The following RASAL2 variants were observed in gnomAD, a reference collection of about 807,000 sequenced individuals.
The protein encoded by RASAL2 is ras GTPase-activating protein nGAP.
A neutral mutation model predicts 128.9 loss-of-function variants in RASAL2; 58 were observed. That is an observed-to-expected ratio of 0.45 (90% CI 0.36 to 0.56). The LOEUF is 0.56. Among genes scored for constraint, RASAL2 ranks in the 20% least tolerant of loss-of-function variants. The pLI is 0.00. For missense variants in RASAL2, 1,360 were observed against 1,601.6 expected, an observed-to-expected ratio of 0.85 and a Z score of 2.57; for synonymous variants, 561 against 580.8, an observed-to-expected ratio of 0.97 and a Z score of 0.49.
chr1:178,259,433 A>G (rs1167065459), intron 1 of RASAL2, among the ~76,000 whole-genome samples: 3 of 152,186 alleles, frequency 2.0e-5, no homozygotes, highest in Admixed American at 2.0e-4. Flanking sequence ...ATGTTCTAAA[A>G]TCGTCTATGT....
At position 178,443,064 on chromosome 1, in the gene RASAL2, A is replaced by G. The variant is rs375332647; in HGVS notation, c.1317A>G (p.Gln439=). Residue 439 remains glutamine, a synonymous_variant, in exon 8 of 18, where the codon CAA becomes CAG. Transcript: ENST00000367649. ...CTATTCGGATTAAATCACGTTTCCAAACTATCACCATTCTGCCTATGGAGC... is the reference window on the plus strand; with the variant it reads ...CTATTCGGATTAAATCACGTTTCCAGACTATCACCATTCTGCCTATGGAGC... ...GPSIRIKSRF[Q]TITILPMEQY... 1.9e-4 allele frequency: 308 copies of G among 1,614,034 alleles called. 3 individuals are homozygous for G. In the South Asian group the frequency reaches 3.1e-3, roughly 16 times the overall value.
At chr1:178,234,760 A>G (rs573589961) in intron 1 of RASAL2, among the ~76,000 whole-genome samples, 2 of 152,140 alleles carry the variant, frequency 1.3e-5, no homozygotes, top group African/African-American at 2.4e-5. Context: ...TCAGCCTCTC[A>G]TTATTAGGAG....
chr1:178,362,814 C>G (rs1671192579), intron 3 of RASAL2, among the ~76,000 whole-genome samples: 1 of 151,784 alleles, frequency 6.6e-6, no homozygotes. Flanking sequence ...CCTCTAAGTT[C>G]ATTAATGTTT....
At chr1:178,141,598 G>C (rs1361186119) in intron 1 of RASAL2, among the ~76,000 whole-genome samples, 2 of 151,962 alleles carry the variant, frequency 1.3e-5, no homozygotes, top group Non-Finnish European at 2.9e-5. Flanking sequence ...GTTGGCCGTC[G>C]ACTGCTCCAA....
At chr1:178,250,009 G>T (rs1664964290) in intron 1 of RASAL2, among the ~76,000 whole-genome samples, 2 of 152,128 alleles carry the variant, frequency 1.3e-5, no homozygotes. Context: ...CTGTTGTGAG[G>T]TCTCTCCCAC....
At chr1:178,110,347 A>C (rs1659251459) in intron 1 of RASAL2, among the ~76,000 whole-genome samples, 1 of 151,938 alleles carries the variant, frequency 6.6e-6, no homozygotes, top group Non-Finnish European at 1.5e-5. Flanking sequence ...TCAGATGCTG[A>C]AGTTCCATAT....
At chr1:178,413,054 CGTCT>C (rs1490090205) in intron 4 of RASAL2, among the ~76,000 whole-genome samples, 15 of 149,644 alleles carry the variant, frequency 1.0e-4, no homozygotes, top group South Asian at 4.2e-4. Flanking sequence ...TCTGTCCATC[CGTCT>C]GTCTGTCTTT....
At chr1:178,373,388 C>T (rs533912024) in intron 3 of RASAL2, among the ~76,000 whole-genome samples, 9 of 149,190 alleles carry the variant, frequency 6.0e-5, no homozygotes, top group African/African-American at 1.5e-4. Flanking sequence ...TATTTATCTT[C>T]GGCATTTGGA....
At chr1:178,260,186 A>G (rs1045070064) in intron 1 of RASAL2, among the ~76,000 whole-genome samples, 13 of 149,416 alleles carry the variant, frequency 8.7e-5, no homozygotes, top group African/African-American at 3.2e-4. Flanking sequence ...CTCCGTCTCT[A>G]CTAAAAATAC....
intron 4 of RASAL2, among the ~76,000 whole-genome samples, chr1:178,413,603 A>G (rs188630779): frequency 1.3e-5 from 2 of 152,350 alleles, no homozygotes; most frequent in Admixed American, 6.5e-5. Flanking sequence ...AAATAATTAC[A>G]GAACATACTA....
intron 1 of RASAL2, among the ~76,000 whole-genome samples, chr1:178,116,648 C>T (rs555076904): frequency 2.6e-5 from 4 of 151,814 alleles, no homozygotes; most frequent in Non-Finnish European, 5.9e-5. Context: ...CTTGCTCTGT[C>T]GCCCAGGCTT....
chr1:178,365,190 G>T (rs983282657), intron 3 of RASAL2, among the ~76,000 whole-genome samples: 14 of 151,858 alleles, frequency 9.2e-5, no homozygotes, highest in African/African-American at 3.4e-4. Context: ...TTGTGGCTTT[G>T]CATGTCTAAG....
intron 3 of RASAL2, among the ~76,000 whole-genome samples, chr1:178,323,017 C>G (rs1178001499): frequency 6.6e-6 from 1 of 152,156 alleles, no homozygotes; most frequent in Non-Finnish European, 1.5e-5. Context: ...TCATTTCTAC[C>G]TTCTGTATGT....
intron 1 of RASAL2, among the ~76,000 whole-genome samples, chr1:178,169,205 A>C (rs903889630): frequency 2.6e-5 from 4 of 152,182 alleles, no homozygotes; most frequent in African/African-American, 4.8e-5. Context: ...CCTAATGTAT[A>C]GTCTTTATAT....
intron 5 of RASAL2, among the ~76,000 whole-genome samples, chr1:178,421,580 G>A (rs897993682): frequency 2.6e-5 from 4 of 152,052 alleles, no homozygotes; most frequent in African/African-American, 7.2e-5. Context: ...GGGTCACACA[G>A]CTAATAAGTA....
intron 5 of RASAL2, among the ~76,000 whole-genome samples, chr1:178,432,663 C>G (rs756033247): frequency 6.6e-6 from 1 of 151,972 alleles, no homozygotes; most frequent in Non-Finnish European, 1.5e-5. Flanking sequence ...CATCTTTCAC[C>G]CAGTGTTTCA....
chr1:178,150,283 C>T (rs2101876615), intron 1 of RASAL2, among the ~76,000 whole-genome samples: 1 of 152,142 alleles, frequency 6.6e-6, no homozygotes, highest in Middle Eastern at 3.4e-3. Context: ...CAACCTCCAC[C>T]TCCTGGGTTC....
chr1:178,110,500 T>C (rs1317419539), intron 1 of RASAL2, among the ~76,000 whole-genome samples: 1 of 147,122 alleles, frequency 6.8e-6, no homozygotes, highest in African/African-American at 2.5e-5. Flanking sequence ...GTATATATAG[T>C]ATATATAGCA....
intron 1 of RASAL2, among the ~76,000 whole-genome samples, chr1:178,261,774 TG>T (rs34083973): frequency 0.25 from 38,481 of 151,650 alleles, 6,075 homozygotes; most frequent in Middle Eastern, 0.37. Flanking sequence ...AAAAGTAGCC[TG>T]GTGTGGTGGT....
Sources: allele counts gnomAD v4.1 joint callset (sites outside exome capture counted in the v4.1 genomes callset), GRCh38; gene constraint gnomAD v4.1.1; transcripts MANE v1.5; gene names NCBI Gene and HGNC (gene_info 2026-07-23, HGNC 2026-07-21).